CLEC16A: variants seen among roughly 807,000 people sequenced by gnomAD.
The protein encoded by CLEC16A is protein CLEC16A.
In CLEC16A, 51 loss-of-function variants were observed where a neutral mutation model predicts 109.5. The observed-to-expected ratio is 0.47, with a 90% CI of 0.37 to 0.59. The LOEUF is 0.59. Among genes scored for constraint, CLEC16A ranks in the 20% least tolerant of loss-of-function variants. The pLI, the probability that CLEC16A is intolerant of heterozygous loss-of-function variation, is 0.00. For missense variants in CLEC16A, 1,339 were observed against 1,394.0 expected, an observed-to-expected ratio of 0.96 and a Z score of 0.63; for synonymous variants, 673 against 564.2, an observed-to-expected ratio of 1.19 and a Z score of -2.73.
At chr16:11,113,704 C>T (rs2153007426) in intron 19 of CLEC16A, among the ~76,000 whole-genome samples, 1 of 152,278 alleles carries the variant, frequency 6.6e-6, no homozygotes, top group Non-Finnish European at 1.5e-5. Context: ...CACCTTGGAG[C>T]TTCTTTTTCT....
chr16:10,994,261 A>G (rs2044201816), intron 10 of CLEC16A, among the ~76,000 whole-genome samples: 1 of 152,190 alleles, frequency 6.6e-6, no homozygotes, highest in Non-Finnish European at 1.5e-5. Context: ...GTGCCGTCAA[A>G]TCGCCTCACT....
chr16:11,042,803 A>G (rs1055818644), intron 15 of CLEC16A, among the ~76,000 whole-genome samples: 1 of 151,808 alleles, frequency 6.6e-6, no homozygotes, highest in Non-Finnish European at 1.5e-5. Flanking sequence ...GGAAGTAGAA[A>G]GGTAAAAGTA....
At chr16:11,161,053 C>G (rs1339000408) in intron 22 of CLEC16A, among the ~76,000 whole-genome samples, 1 of 152,242 alleles carries the variant, frequency 6.6e-6, no homozygotes, top group East Asian at 1.9e-4. Context: ...TGAGAGACAG[C>G]TTACAATATC....
Position 10,962,473 on chromosome 16 carries a change from T to C in CLEC16A, c.228T>C (p.Asn76=), listed in dbSNP as rs1378672573. The C allele has an allele frequency of 1.2e-6, 2 of 1,614,006 alleles. No individual in the cohort carries two copies. Among genetic ancestry groups the C allele is most frequent in the Admixed American group, 1.7e-5 (1 of 60,024 alleles). ...SSVFDFFLEK[N]MFVFFLNILR... The stretch of plus-strand genomic sequence containing the variant: ...TCCCCAGCTTCTTCCTGGAGAAGAA[T>C]ATGTTTGTTTTCTTCTTGAACATCT... Residue 76 remains asparagine (N), a synonymous_variant, in exon 3 of 24, where the codon AAT becomes AAC. Coordinates refer to ENST00000409790, the MANE Select transcript of CLEC16A (RefSeq NM_015226.3).
intron 3 of CLEC16A, among the ~76,000 whole-genome samples, chr16:10,964,216 A>G (rs565967695): frequency 2.0e-4 from 30 of 152,346 alleles, no homozygotes; most frequent in African/African-American, 6.7e-4. Flanking sequence ...CTGCTGCCTC[A>G]GAGACGCCTT....
chr16:11,043,911 T>A lies in CLEC16A; in HGVS notation c.1771-117T>A, dbSNP rs578206732. 3 of 656,226 alleles carry A rather than the reference T, an allele frequency of 4.6e-6. No homozygotes were observed. In the South Asian group the frequency reaches 8.8e-5, roughly 19 times the overall value. The allele number at this position is 656,226 out of a possible 1,614,324, so 40.7% of individuals were successfully genotyped here. A position where few individuals can be genotyped will look rare whatever the true frequency, so the allele number is the denominator to read the frequency against. ...AAAAAAAAAACACCATTTTATACATTAAGGATATTAGTCCAGATCTGTTTT... is the reference window on the plus strand; with the variant it reads ...AAAAAAAAAACACCATTTTATACATAAAGGATATTAGTCCAGATCTGTTTT... On this transcript the variant is annotated intron_variant, in intron 15 of 23. Transcript: ENST00000409790.
chr16:11,176,917 G>T (rs142830779), intron 23 of CLEC16A, among the ~76,000 whole-genome samples: 3 of 151,802 alleles, frequency 2.0e-5, no homozygotes, highest in Non-Finnish European at 2.9e-5. Context: ...CTTTTATTTC[G>T]TTCTTTGTTT....
At chr16:11,017,294 C>G (rs1239096141) in intron 11 of CLEC16A, among the ~76,000 whole-genome samples, 1 of 152,090 alleles carries the variant, frequency 6.6e-6, no homozygotes. Context: ...CTGGATTAGA[C>G]AGTGGAGAAC....
At chr16:11,076,872 C>A (rs1240943836) in intron 19 of CLEC16A, among the ~76,000 whole-genome samples, 1 of 152,164 alleles carries the variant, frequency 6.6e-6, no homozygotes, top group Non-Finnish European at 1.5e-5. Context: ...CTGGGGAGAT[C>A]AGGAATCGAA....
intron 13 of CLEC16A, among the ~76,000 whole-genome samples, chr16:11,029,453 T>C (rs1279891543): frequency 2.7e-5 from 4 of 146,606 alleles, no homozygotes; most frequent in African/African-American, 9.7e-5. Context: ...TTGATCTCCC[T>C]GAACTCCAGA....
At chr16:11,095,735 C>A (rs2050568279) in intron 19 of CLEC16A, among the ~76,000 whole-genome samples, 1 of 151,430 alleles carries the variant, frequency 6.6e-6, no homozygotes, top group Admixed American at 6.6e-5. Context: ...TCACTTGAAC[C>A]CAGGAGGCAG....
chr16:11,126,504 G>C, intron 22 of CLEC16A: 2 of 960,314 alleles, frequency 2.1e-6, no homozygotes, highest in Admixed American at 3.2e-5. Flanking sequence ...TAGAAAGAGA[G>C]AGTGTGTTTG....
At chr16:11,023,372 C>G (rs949242337) in intron 12 of CLEC16A, among the ~76,000 whole-genome samples, 1 of 152,122 alleles carries the variant, frequency 6.6e-6, no homozygotes, top group Non-Finnish European at 1.5e-5. Context: ...TTTCAAGCAG[C>G]TGATTTACAA....
At chr16:11,010,631 T>C (rs1442391825) in intron 11 of CLEC16A, among the ~76,000 whole-genome samples, 1 of 152,210 alleles carries the variant, frequency 6.6e-6, no homozygotes, top group East Asian at 1.9e-4. Flanking sequence ...TTGCTAAGAT[T>C]AAGGTGTTCT....
chr16:11,077,365 C>T (rs778381999), intron 19 of CLEC16A, among the ~76,000 whole-genome samples: 10 of 150,094 alleles, frequency 6.7e-5, no homozygotes, highest in East Asian at 2.0e-4. Context: ...CCAGTTACAC[C>T]GGAGACTGAG....
intron 23 of CLEC16A, among the ~76,000 whole-genome samples, chr16:11,173,993 C>A (rs909495589): frequency 1.3e-5 from 2 of 152,176 alleles, no homozygotes; most frequent in African/African-American, 4.8e-5. Context: ...GGGCCAGCGC[C>A]CCATGCACCG....
intron 2 of CLEC16A, among the ~76,000 whole-genome samples, chr16:10,958,247 G>A (rs1028479786): frequency 6.6e-6 from 1 of 152,180 alleles, no homozygotes; most frequent in African/African-American, 2.4e-5. Flanking sequence ...CTGTGCCCTG[G>A]GGGAGTCCCT....
intron 23 of CLEC16A, among the ~76,000 whole-genome samples, chr16:11,177,125 G>C (rs1042157224): frequency 2.0e-5 from 3 of 152,192 alleles, no homozygotes; most frequent in Non-Finnish European, 4.4e-5. Flanking sequence ...GGGACCCCCA[G>C]CTCTGTGCAA....
chr16:11,032,832 G>A (rs2046820475), intron 13 of CLEC16A, among the ~76,000 whole-genome samples: 1 of 152,242 alleles, frequency 6.6e-6, no homozygotes, highest in Non-Finnish European at 1.5e-5. Context: ...GCAGGGGCCA[G>A]GTCATGAAGG....
Sources: gnomAD v4.1 joint callset for allele counts (sites outside exome capture counted in the v4.1 genomes callset) on GRCh38, gnomAD v4.1.1 for gene constraint, MANE v1.5 for transcripts, NCBI Gene and HGNC (gene_info 2026-07-23, HGNC 2026-07-21) for gene names.